Variants in MLLT1 observed in about 807,000 individuals in gnomAD.
MLLT1 encodes the protein MLLT1 super elongation complex subunit.
In MLLT1, 11 loss-of-function variants were observed where a neutral mutation model predicts 55.1. The ratio of observed to expected loss-of-function variants is 0.20; its 90% CI spans 0.13 to 0.33. The LOEUF is 0.33. Ranked by LOEUF, MLLT1 falls within the 10% of genes least tolerant of loss-of-function variation. The pLI is 1.00. For synonymous variants in MLLT1, 323 were observed against 320.1 expected, an observed-to-expected ratio of 1.01 and a Z score of -0.10; for missense variants, 536 against 760.6, an observed-to-expected ratio of 0.70 and a Z score of 3.47.
intron 1 of MLLT1, among the ~76,000 whole-genome samples, chr19:6,275,894 C>T (rs1308952761): frequency 6.6e-6 from 1 of 152,198 alleles, no homozygotes; most frequent in Non-Finnish European, 1.5e-5. Context: ...ATTTACGAAC[C>T]AGGGGCCCAC....
chr19:6,252,578 G>A (rs181017362), intron 3 of MLLT1, among the ~76,000 whole-genome samples: 13 of 152,276 alleles, frequency 8.5e-5, no homozygotes, highest in East Asian at 1.9e-4. Flanking sequence ...GGAATACAGT[G>A]TACACAGTGC....
At chr19:6,254,039 G>C (rs1188043838) in intron 3 of MLLT1, among the ~76,000 whole-genome samples, 7 of 152,188 alleles carry the variant, frequency 4.6e-5, no homozygotes, top group Admixed American at 1.3e-4. Flanking sequence ...GGTGTCTGCT[G>C]ACTGAATGCC....
intron 5 of MLLT1, among the ~76,000 whole-genome samples, chr19:6,225,690 C>T (rs1295100887): frequency 6.6e-6 from 1 of 152,202 alleles, no homozygotes; most frequent in Admixed American, 6.5e-5. Flanking sequence ...TGGATAAACT[C>T]ACCAGCTGGG....
At chr19:6,221,886 G>A (rs1362113847) in intron 6 of MLLT1, among the ~76,000 whole-genome samples, 2 of 152,214 alleles carry the variant, frequency 1.3e-5, no homozygotes, top group Non-Finnish European at 2.9e-5. Flanking sequence ...ACCCACAAAT[G>A]CCACCGAGGA....
At position 6,211,566 on chromosome 19, in the gene MLLT1, C is replaced by T; in HGVS notation, c.*1476G>A. 2 of 1,056,762 alleles carry T rather than the reference C, an allele frequency of 1.9e-6. No individual in the cohort carries two copies. The highest frequency in any genetic ancestry group is 2.3e-6 in the Non-Finnish European group (2 of 871,134). The allele number at this position is 1,056,762 out of a possible 1,614,324, so 65.5% of individuals were successfully genotyped here. Reference sequence around the variant, plus strand: ...TCATAGGCTGGGGAGGAGGAGACATCTAGGTGGGTTCGAGGGGGTGCGAGC... The same window carrying T: ...TCATAGGCTGGGGAGGAGGAGACATTTAGGTGGGTTCGAGGGGGTGCGAGC... On this transcript the variant is annotated 3_prime_UTR_variant, in exon 12 of 12. Transcript: ENST00000252674. This position sits in a 1 kb window ranked among gnomAD's most constrained non-coding sequence, Gnocchi z 4.6.
intron 3 of MLLT1, among the ~76,000 whole-genome samples, chr19:6,239,228 G>A (rs1256893152): frequency 6.6e-6 from 1 of 152,224 alleles, no homozygotes; most frequent in African/African-American, 2.4e-5. Context: ...AAGAAAGCAA[G>A]GGAAGACAGA....
intron 8 of MLLT1, among the ~76,000 whole-genome samples, chr19:6,216,116 G>C (rs993988430): frequency 6.6e-6 from 1 of 151,998 alleles, no homozygotes; most frequent in Non-Finnish European, 1.5e-5. Context: ...ACCCCTCCCT[G>C]CCAGATAGCC....
At chr19:6,223,321 G>A (rs988633470) in intron 5 of MLLT1, among the ~76,000 whole-genome samples, 17 of 152,318 alleles carry the variant, frequency 1.1e-4, no homozygotes, top group South Asian at 2.1e-4. Context: ...AACAGCTCCC[G>A]GGCTTCTCAG....
chr19:6,241,813 C>T (rs1321213881), intron 3 of MLLT1, among the ~76,000 whole-genome samples: 3 of 152,258 alleles, frequency 2.0e-5, no homozygotes, highest in African/African-American at 7.2e-5. Context: ...TGCGGCTTGT[C>T]ACAACGCGGC....
At chr19:6,239,932 CT>C (rs879905529) in intron 3 of MLLT1, among the ~76,000 whole-genome samples, 45 of 146,598 alleles carry the variant, frequency 3.1e-4, no homozygotes, top group East Asian at 1.8e-3. Flanking sequence ...AAAAGAAAAA[CT>C]TTTTTTTTTT....
intron 8 of MLLT1, among the ~76,000 whole-genome samples, chr19:6,215,006 G>A (rs570835052): frequency 3.4e-4 from 52 of 152,258 alleles, no homozygotes; most frequent in African/African-American, 1.1e-3. Context: ...TCTGGCTCAC[G>A]TTGCCCAGGC....
chr19:6,243,694 A>C (rs1417714373), intron 3 of MLLT1, among the ~76,000 whole-genome samples: 1 of 151,858 alleles, frequency 6.6e-6, no homozygotes, highest in Non-Finnish European at 1.5e-5. Context: ...TCTGCCTTTC[A>C]AACAGCTGCC....
intron 8 of MLLT1, among the ~76,000 whole-genome samples, chr19:6,214,528 G>A (rs1257905307): frequency 1.3e-5 from 2 of 152,166 alleles, no homozygotes; most frequent in Non-Finnish European, 2.9e-5. Flanking sequence ...CCTGACCCTA[G>A]AGGGTGTGGT....
rs1439629206 is a variant in MLLT1, at chr19:6,235,317, C to G, written c.277-4604G>C. On this transcript the variant is annotated intron_variant, in intron 3 of 11. Coordinates refer to ENST00000252674, the MANE Select transcript of MLLT1 (RefSeq NM_005934.4). The surrounding 1 kb of genome is among the most constrained non-coding windows in gnomAD (Gnocchi z 5.5). ...AGAAAGCCTGGGGCCTGAGGGACAC[C>G]AGCAGGAGCCTGGCCACGGTCCTGC... 6.6e-6 allele frequency among the ~76,000 whole-genome samples: 1 copy of G among 152,188 alleles called. No individual in the cohort carries two copies. Among genetic ancestry groups the G allele is most frequent in the African/African-American group, 2.4e-5 (1 of 41,450 alleles).
chr19:6,242,702 G>C lies in MLLT1; in HGVS notation c.277-11989C>G, dbSNP rs191976663. Among the ~76,000 whole-genome samples, 633 of 152,306 alleles carry C rather than the reference G, an allele frequency of 4.2e-3. 5 individuals are homozygous for C. Among genetic ancestry groups the C allele is most frequent in the Non-Finnish European group, 6.9e-3 (470 of 68,026 alleles). The stretch of plus-strand genomic sequence containing the variant: ...GAAGAGGAATCTGGCGTCAGGGGCA[G>C]GGCAAGTTTTACCGCCCCAAACAGC... On this transcript the variant is annotated intron_variant, in intron 3 of 11. Transcript: ENST00000252674.
Position 6,211,121 on chromosome 19 carries a change from G to A in MLLT1, c.*1921C>T, listed in dbSNP as rs1000647514. 3 of 232,476 alleles carry A rather than the reference G, an allele frequency of 1.3e-5. No individual in the cohort carries two copies. The highest frequency in any genetic ancestry group is 1.3e-3 in the Middle Eastern group (1 of 798). 14.4% of individuals were successfully genotyped at this position (232,476 alleles called of 1,614,324 possible). ...TGAGGTTCCTGTCCGTGACCCCGGCGGCCTCTTGTGCGTAGAGCTCCCAGC... is the reference window on the plus strand; with the variant it reads ...TGAGGTTCCTGTCCGTGACCCCGGCAGCCTCTTGTGCGTAGAGCTCCCAGC... On this transcript the variant is annotated 3_prime_UTR_variant, in exon 12 of 12. Coordinates refer to ENST00000252674, the MANE Select transcript of MLLT1 (RefSeq NM_005934.4). This position sits in a 1 kb window ranked among gnomAD's most constrained non-coding sequence, Gnocchi z 4.6.
In MLLT1 at chr19:6,237,881, C is replaced by T. The variant is rs112125481; in HGVS notation, c.277-7168G>A. ...CTTTGGGAGGCTGAAGTGGGAGGAT[C>T]GCTTTGAGGTCGGAAGTTTGAGTCC... On this transcript the variant is annotated intron_variant, in intron 3 of 11. Coordinates refer to ENST00000252674, the MANE Select transcript of MLLT1 (RefSeq NM_005934.4). Among the ~76,000 whole-genome samples the T allele has an allele frequency of 3.0e-3, 449 of 152,090 alleles. 2 individuals are homozygous for T. Among genetic ancestry groups the T allele is most frequent in the African/African-American group, 9.4e-3 (388 of 41,492 alleles).
chr19:6,265,065 CAAAAAAA>C (rs1162720785), intron 2 of MLLT1, among the ~76,000 whole-genome samples: 14 of 67,186 alleles, frequency 2.1e-4, no homozygotes, highest in African/African-American at 7.7e-4. Flanking sequence ...AACAAAAAAA[CAAAAAAA>C]AACATGATGT....
intron 4 of MLLT1, among the ~76,000 whole-genome samples, chr19:6,228,389 G>A (rs752243049): frequency 2.6e-5 from 4 of 152,172 alleles, no homozygotes; most frequent in African/African-American, 7.2e-5. Context: ...AGCACAGACC[G>A]TTGAGAAAAA....
Sources: gnomAD v4.1 joint callset for allele counts (sites outside exome capture counted in the v4.1 genomes callset) on GRCh38, gnomAD v4.1.1 for gene constraint, Gnocchi (gnomAD v3.1) non-coding constraint, MANE v1.5 for transcripts, NCBI Gene and HGNC (gene_info 2026-07-23, HGNC 2026-07-21) for gene names.